LRRC4C: variants seen among roughly 807,000 people sequenced by gnomAD.
LRRC4C encodes leucine rich repeat containing 4C.
LRRC4C carries 5 observed loss-of-function variants against 33.6 expected under a neutral mutation model. The ratio of observed to expected loss-of-function variants is 0.15; its 90% CI spans 0.08 to 0.31. The LOEUF (loss-of-function observed/expected upper bound fraction) is 0.31, where lower values mean the gene tolerates loss of function less well. LRRC4C is among the 10% of genes least tolerant of loss of function. The pLI is 1.00. For missense variants in LRRC4C, 560 were observed against 796.7 expected (o/e 0.70, Z 3.58); for synonymous variants, 329 against 302.0 (o/e 1.09, Z -0.93).
intron 6 of LRRC4C, among the ~76,000 whole-genome samples, chr11:40,128,696 C>A (rs540166543): frequency 6.6e-6 from 1 of 152,220 alleles, no homozygotes; most frequent in South Asian, 2.1e-4. Context: ...CGGTTCCACC[C>A]CATTGGCCTT....
intron 1 of LRRC4C, among the ~76,000 whole-genome samples, chr11:41,265,799 T>C (rs1312825900): frequency 6.6e-6 from 1 of 152,076 alleles, no homozygotes; most frequent in Non-Finnish European, 1.5e-5. Flanking sequence ...GTAACTCATA[T>C]TACCTGCCTT....
intron 1 of LRRC4C, among the ~76,000 whole-genome samples, chr11:41,062,574 G>C (rs1012634952): frequency 6.6e-6 from 1 of 152,048 alleles, no homozygotes; most frequent in Non-Finnish European, 1.5e-5. Context: ...AGGTAGCATG[G>C]GGATGCAAGA....
chr11:41,274,513 G>A (rs1055780636), intron 1 of LRRC4C, among the ~76,000 whole-genome samples: 75 of 152,080 alleles, frequency 4.9e-4, no homozygotes, highest in African/African-American at 1.8e-3. Flanking sequence ...GGACTTCCTC[G>A]GTTGAGTGAC....
intron 3 of LRRC4C, among the ~76,000 whole-genome samples, chr11:40,322,403 G>A (rs1035783376): frequency 4.6e-5 from 7 of 152,014 alleles, no homozygotes; most frequent in African/African-American, 1.7e-4. Context: ...GTGCCACCAT[G>A]CCTGGCTAAT....
chr11:41,137,069 G>A (rs550655207), intron 1 of LRRC4C, among the ~76,000 whole-genome samples: 9 of 152,076 alleles, frequency 5.9e-5, no homozygotes, highest in East Asian at 3.9e-4. Flanking sequence ...CCAACATGGC[G>A]AAACCCTGAC....
chr11:40,470,857 C>T (rs919249771), intron 3 of LRRC4C, among the ~76,000 whole-genome samples: 1 of 152,112 alleles, frequency 6.6e-6, no homozygotes, highest in African/African-American at 2.4e-5. Flanking sequence ...AAGGAACTAA[C>T]AAAGCCTCCA....
At chr11:41,282,284 T>C (rs1273963444) in intron 1 of LRRC4C, among the ~76,000 whole-genome samples, 2 of 152,192 alleles carry the variant, frequency 1.3e-5, no homozygotes, top group Non-Finnish European at 2.9e-5. Context: ...TGAAATTAAG[T>C]TTCCATCTGC....
intron 2 of LRRC4C, among the ~76,000 whole-genome samples, chr11:40,787,330 G>C (rs1174171895): frequency 6.6e-6 from 1 of 152,162 alleles, no homozygotes; most frequent in Non-Finnish European, 1.5e-5. Context: ...TCACTGTTGG[G>C]TGACAGTCCG....
intron 5 of LRRC4C, among the ~76,000 whole-genome samples, chr11:40,209,229 C>T (rs1258144032): frequency 3.9e-5 from 6 of 152,128 alleles, no homozygotes; most frequent in Non-Finnish European, 7.4e-5. Flanking sequence ...TGTTTCACAA[C>T]AGCCGTGTTT....
intron 1 of LRRC4C, among the ~76,000 whole-genome samples, chr11:41,153,170 C>T (rs1362011524): frequency 2.0e-5 from 3 of 152,066 alleles, no homozygotes; most frequent in Non-Finnish European, 4.4e-5. Flanking sequence ...AGTCTCTACT[C>T]CCTTAAAGAA....
At chr11:40,705,411 G>C (rs2136525622) in intron 2 of LRRC4C, among the ~76,000 whole-genome samples, 1 of 151,946 alleles carries the variant, frequency 6.6e-6, no homozygotes, top group Non-Finnish European at 1.5e-5. Context: ...CTGTGTCCAA[G>C]TGTTCTCATG....
chr11:40,470,992 C>A (rs1031234783), intron 3 of LRRC4C, among the ~76,000 whole-genome samples: 1 of 152,102 alleles, frequency 6.6e-6, no homozygotes, highest in Non-Finnish European at 1.5e-5. Context: ...CTTTCCAAAC[C>A]TAGCAAGGCA....
intron 2 of LRRC4C, among the ~76,000 whole-genome samples, chr11:40,706,914 A>C (rs1055910541): frequency 6.6e-6 from 1 of 152,144 alleles, no homozygotes; most frequent in African/African-American, 2.4e-5. Context: ...TTCTCCTTGA[A>C]GAGGTCCTTC....
At chr11:41,380,764 G>A (rs141089082) in intron 1 of LRRC4C, among the ~76,000 whole-genome samples, 23 of 152,178 alleles carry the variant, frequency 1.5e-4, no homozygotes, top group African/African-American at 4.6e-4. Context: ...AAGGGAGTAC[G>A]TGACCTGGCA....
intron 5 of LRRC4C, among the ~76,000 whole-genome samples, chr11:40,210,737 T>A (rs1042493987): frequency 6.6e-6 from 1 of 152,162 alleles, no homozygotes; most frequent in African/African-American, 2.4e-5. Flanking sequence ...TCTCTCTCAC[T>A]CGGAATGTCT....
At chr11:40,321,112 T>C (rs902146049) in intron 3 of LRRC4C, among the ~76,000 whole-genome samples, 4 of 152,210 alleles carry the variant, frequency 2.6e-5, no homozygotes, top group Non-Finnish European at 5.9e-5. Flanking sequence ...TAAAGAGAAG[T>C]TGAAATTCTG....
rs552541774 is a variant in LRRC4C at position 40,792,095 on chromosome 11, A to T, written c.-407+141540T>A. ...TATAAGCATCAAGAACCAGCAAATC[A>T]ATTACAAATTTTTACTTCTCCAACA... On this transcript the variant is annotated intron_variant, in intron 2 of 6. Coordinates refer to ENST00000528697, the MANE Select transcript of LRRC4C (RefSeq NM_001258419.2). Among the ~76,000 whole-genome samples, 5 of 152,290 alleles carry T rather than the reference A, an allele frequency of 3.3e-5. No homozygotes were observed. The South Asian group carries it at 1.0e-3, about 32-fold the overall frequency.
In LRRC4C at chr11:40,235,050, A is replaced by G. The variant is rs547368180; in HGVS notation, c.-96+6469T>C. Among the ~76,000 whole-genome samples, 11 of 152,316 alleles carry G rather than the reference A, an allele frequency of 7.2e-5. No individual in the cohort carries two copies. The South Asian group carries it at 2.1e-3, about 29-fold the overall frequency. On this transcript the variant is annotated intron_variant, in intron 5 of 6. Transcript: ENST00000528697. ...TGTTTCCAATTACCCTGATTGCAGC[A>G]CTTTTGTTAAAATAGACTATCTTCA...
At chr11:41,413,421 G>A (rs1954564825) in intron 1 of LRRC4C, among the ~76,000 whole-genome samples, 1 of 152,168 alleles carries the variant, frequency 6.6e-6, no homozygotes, top group South Asian at 2.1e-4. Flanking sequence ...AATGACACAT[G>A]ATAAACACTT....
Sources: gnomAD v4.1 joint callset for allele counts (sites outside exome capture counted in the v4.1 genomes callset) on GRCh38, gnomAD v4.1.1 for gene constraint, MANE v1.5 for transcripts, NCBI Gene and HGNC (gene_info 2026-07-23, HGNC 2026-07-21) for gene names.